The following SLCO3A1 variants were observed in gnomAD, a reference collection of about 807,000 sequenced individuals.
SLCO3A1 encodes solute carrier organic anion transporter family member 3A1.
Under a neutral mutation model 63.1 loss-of-function variants are expected in SLCO3A1, and 27 were observed. The observed-to-expected ratio is 0.43, with a 90% confidence interval of 0.32 to 0.59. The LOEUF (loss-of-function observed/expected upper bound fraction) is 0.59. Among genes scored for constraint, SLCO3A1 ranks in the 20% least tolerant of loss-of-function variants. The pLI is 0.09. For missense variants in SLCO3A1, 773 were observed against 945.8 expected (o/e 0.82, Z 2.40); for synonymous variants, 473 against 409.9 (o/e 1.15, Z -1.86).
At chr15:91,887,328 G>T (rs1031905807) in intron 1 of SLCO3A1, among the ~76,000 whole-genome samples, 1 of 151,986 alleles carries the variant, frequency 6.6e-6, no homozygotes, top group African/African-American at 2.4e-5. Context: ...GAGTTTTGAT[G>T]TCGAGACCCC....
At chr15:91,961,115 A>C (rs937826699) in intron 2 of SLCO3A1, among the ~76,000 whole-genome samples, 2 of 152,230 alleles carry the variant, frequency 1.3e-5, no homozygotes, top group Non-Finnish European at 2.9e-5. Context: ...GACTTTAAGC[A>C]TACTTGTCTG....
At chr15:92,095,101 T>TGAG (rs879439937) in intron 3 of SLCO3A1, 122 bp downstream of exon 3, 48,061 of 364,954 alleles carry the variant, frequency 0.13, 8,539 homozygotes, top group Admixed American at 0.25. Flanking sequence ...CCCCTGCCTC[T>TGAG]GTAGCTGGGG....
chr15:91,914,148 G>A (rs985919035), intron 1 of SLCO3A1, among the ~76,000 whole-genome samples: 1 of 152,160 alleles, frequency 6.6e-6, no homozygotes, highest in Non-Finnish European at 1.5e-5. Context: ...CCCTTTTACA[G>A]ATGGGGAAAC....
rs148565039 is a variant in SLCO3A1, at chr15:92,104,481, C to T, written c.948C>T (p.Asn316=). The T allele has an allele frequency of 1.9e-4, 303 of 1,614,172 alleles. 1 individual carries two copies. Among genetic ancestry groups the T allele is most frequent in the Non-Finnish European group, 7.3e-5 (86 of 1,180,036 alleles). Reference sequence around the variant, plus strand: ...AATACGAGAGACCCAAGCCCAGCAACGGGGTCCTGAGGCACCCCCTGGAGC... The same window carrying T: ...AATACGAGAGACCCAAGCCCAGCAATGGGGTCCTGAGGCACCCCCTGGAGC... ...EREYERPKPS[N]GVLRHPLEPD... Residue 316 remains asparagine (N), a synonymous_variant, in exon 4 of 10, where the codon AAC becomes AAT. Coordinates refer to ENST00000318445, the MANE Select transcript of SLCO3A1 (RefSeq NM_013272.4).
chr15:91,992,886 G>C (rs1435473817), intron 2 of SLCO3A1, among the ~76,000 whole-genome samples: 1 of 152,144 alleles, frequency 6.6e-6, no homozygotes, highest in Non-Finnish European at 1.5e-5. Context: ...TATTGCAGTG[G>C]CATTTCCCCA....
chr15:91,984,280 A>T (rs892554784), intron 2 of SLCO3A1, among the ~76,000 whole-genome samples: 3 of 152,214 alleles, frequency 2.0e-5, no homozygotes, highest in Non-Finnish European at 4.4e-5. Flanking sequence ...GAAGGGAGAT[A>T]AAGTTAAATT....
intron 1 of SLCO3A1, among the ~76,000 whole-genome samples, chr15:91,913,273 A>G (rs949312142): frequency 6.6e-6 from 1 of 152,240 alleles, no homozygotes; most frequent in Non-Finnish European, 1.5e-5. Context: ...GGTGTCACAG[A>G]TGTCATAACC....
intron 2 of SLCO3A1, among the ~76,000 whole-genome samples, chr15:91,931,187 G>A (rs1421230995): frequency 6.6e-6 from 1 of 152,208 alleles, no homozygotes; most frequent in Non-Finnish European, 1.5e-5. Flanking sequence ...TGTCCTCAAA[G>A]CAAGAGCTCA....
chr15:92,073,392 GT>G (rs552100387), intron 2 of SLCO3A1, among the ~76,000 whole-genome samples: 41 of 152,334 alleles, frequency 2.7e-4, no homozygotes, highest in Non-Finnish European at 5.3e-4. Flanking sequence ...AGAAGGGTTG[GT>G]TCCTGAACCA....
chr15:92,124,276 T>G (rs2047895870), intron 5 of SLCO3A1, among the ~76,000 whole-genome samples: 1 of 152,128 alleles, frequency 6.6e-6, no homozygotes, highest in South Asian at 2.1e-4. Flanking sequence ...AGAATGGAAT[T>G]TCAGGGAAGT....
rs1415668301 is a variant in SLCO3A1 at position 91,886,586 on chromosome 15, G to T, written c.181-29407G>T. ...CCTCAGCGTCAGTGTTGTTTCTACG[G>T]TGTGACCATATTTGATGTGCTTACT... On this transcript the variant is annotated intron_variant, in intron 1 of 9. Transcript: ENST00000318445. The surrounding 1 kb of genome is among the most constrained non-coding windows in gnomAD (Gnocchi z 4.9). Among the ~76,000 whole-genome samples, 9 of 152,294 alleles carry T rather than the reference G, an allele frequency of 5.9e-5. No individual in the cohort carries two copies. In the East Asian group the frequency reaches 1.4e-3, roughly 23 times the overall value.
intron 2 of SLCO3A1, among the ~76,000 whole-genome samples, chr15:92,030,094 T>A (rs994838861): frequency 6.6e-6 from 1 of 152,230 alleles, no homozygotes; most frequent in East Asian, 1.9e-4. Flanking sequence ...TCTGCCCACG[T>A]TCCTACCATA....
intron 2 of SLCO3A1, among the ~76,000 whole-genome samples, chr15:91,947,886 C>G (rs929484642): frequency 1.3e-5 from 2 of 152,148 alleles, no homozygotes; most frequent in African/African-American, 4.8e-5. Context: ...GATCCTGGGG[C>G]TCTTATTGAC....
At chr15:92,034,037 T>C (rs1373508917) in intron 2 of SLCO3A1, among the ~76,000 whole-genome samples, 1 of 146,760 alleles carries the variant, frequency 6.8e-6, no homozygotes, top group Admixed American at 6.8e-5. Context: ...TTGGCTTTTA[T>C]GCAGAAGGAC....
At chr15:92,056,754 A>G (rs928618041) in intron 2 of SLCO3A1, among the ~76,000 whole-genome samples, 1 of 152,142 alleles carries the variant, frequency 6.6e-6, no homozygotes, top group African/African-American at 2.4e-5. Context: ...TCCCCTGCCT[A>G]AGAAAGCCTT....
intron 2 of SLCO3A1, among the ~76,000 whole-genome samples, chr15:91,932,869 CAAT>C (rs1186424636): frequency 6.6e-6 from 1 of 152,182 alleles, no homozygotes; most frequent in African/African-American, 2.4e-5. Flanking sequence ...TAATTGGTGA[CAAT>C]GATGATGATG....
At chr15:92,085,587 A>G (rs1309632522) in intron 2 of SLCO3A1, among the ~76,000 whole-genome samples, 1 of 152,264 alleles carries the variant, frequency 6.6e-6, no homozygotes, top group Non-Finnish European at 1.5e-5. Context: ...TCAAATAGCC[A>G]TTTGTGTGTA....
chr15:91,877,240 C>T (rs946470044), intron 1 of SLCO3A1, among the ~76,000 whole-genome samples: 31 of 152,132 alleles, frequency 2.0e-4, no homozygotes, highest in South Asian at 2.1e-4. Flanking sequence ...TGGTGTGAAC[C>T]TTCTTCAAAC....
intron 9 of SLCO3A1, 24 bp from the exon 10 acceptor site, chr15:92,162,732 T>G: frequency 6.3e-7 from 1 of 1,594,906 alleles, no homozygotes; most frequent in Non-Finnish European, 8.5e-7. Flanking sequence ...ATCCAGAACC[T>G]TAACATTCTT....
Sources: allele counts gnomAD v4.1 joint callset (sites outside exome capture counted in the v4.1 genomes callset), GRCh38; gene constraint gnomAD v4.1.1; non-coding constraint Gnocchi (gnomAD v3.1); transcripts MANE v1.5; gene names NCBI Gene and HGNC (gene_info 2026-07-23, HGNC 2026-07-21).